The following ADNP2 variants were observed in gnomAD, a reference collection of about 807,000 sequenced individuals.
The protein encoded by ADNP2 is activity-dependent neuroprotector homeobox protein 2.
In ADNP2, 8 loss-of-function variants were observed where a neutral mutation model predicts 16.4. The ratio of observed to expected loss-of-function variants is 0.49; its 90% CI spans 0.29 to 0.88. The LOEUF (loss-of-function observed/expected upper bound fraction) is 0.88. Among genes scored for constraint, ADNP2 ranks in the 40% least tolerant of loss-of-function variants. ADNP2 has a pLI of 0.09. For missense variants in ADNP2, 1,397 were observed against 1,395.1 expected, an observed-to-expected ratio of 1.00 and a Z score of -0.02; for synonymous variants, 637 against 545.8, an observed-to-expected ratio of 1.17 and a Z score of -2.33.
intron 2 of ADNP2, among the ~76,000 whole-genome samples, chr18:80,119,786 T>C (rs1316470788): frequency 6.6e-6 from 1 of 152,234 alleles, no homozygotes; most frequent in Non-Finnish European, 1.5e-5. Flanking sequence ...ACATTGGATC[T>C]GGGATGGGCG....
chr18:80,130,143 A>G (rs902272578), intron 2 of ADNP2, among the ~76,000 whole-genome samples: 1 of 151,966 alleles, frequency 6.6e-6, no homozygotes, highest in African/African-American at 2.4e-5. Context: ...TGTCTTTCTG[A>G]TGCTCAAATG....
chr18:80,136,986 A>G lies in ADNP2; in HGVS notation c.1573A>G (p.Thr525Ala). 6.2e-7 allele frequency: 1 copy of G among 1,614,018 alleles called. No homozygotes were observed. Among genetic ancestry groups the G allele is most frequent in the Middle Eastern group, 1.6e-4 (1 of 6,062 alleles). Residue 525 changes from threonine to alanine, a missense_variant, in exon 4 of 4, where the codon ACA becomes GCA. This residue lies in a region of ADNP2 where 777 missense variants were observed against 719.4 expected (regional missense o/e 1.08). Transcript: ENST00000262198. ...VPSGLLSPNQ[T>A]VSSSAVVPVN... ...GTCTGGGCTTCTTTCTCCCAACCAG[A>G]CAGTCTCCTCCTCAGCTGTTGTGCC...
Position 80,136,327 on chromosome 18 carries a change from C to A in ADNP2, c.914C>A (p.Ala305Glu). Reference protein sequence around the residue: ...ALPQNSPSPAAGQPVTVAQGA... With the variant: ...ALPQNSPSPAEGQPVTVAQGA... The stretch of plus-strand genomic sequence containing the variant: ...CCACAGAACAGTCCAAGCCCAGCCG[C>A]AGGACAGCCAGTGACTGTGGCCCAG... The change falls in exon 4 of 4, where the codon GCA becomes GAA. Residue 305 changes from alanine to glutamate, a missense_variant. Ala to Glu is a moderately radical substitution (Grantham distance 107). Around this residue, in one of 3 missense-constraint regions of ADNP2, gnomAD observed 777 missense variants for 719.4 expected, o/e 1.08. Transcript: ENST00000262198. The A allele has an allele frequency of 1.9e-6, 3 of 1,614,146 alleles. No individual in the cohort carries two copies. The highest frequency in any genetic ancestry group is 2.5e-6 in the Non-Finnish European group (3 of 1,179,982).
At position 80,119,899 on chromosome 18, in the gene ADNP2, A is replaced by C. The variant is rs1174340050; in HGVS notation, c.108+2249A>C. Among the ~76,000 whole-genome samples the C allele has an allele frequency of 2.0e-5, 3 of 152,192 alleles. No individual in the cohort carries two copies. The East Asian group carries it at 5.8e-4, about 29-fold the overall frequency. On this transcript the variant is annotated intron_variant, in intron 2 of 3. Coordinates refer to ENST00000262198, the MANE Select transcript of ADNP2 (RefSeq NM_014913.4). ...CACACTGAGATGCCACAGCAAGTGC[A>C]TTCAACCACCTCCCCCCCAACCCCC...
At chr18:80,125,465 A>G (rs1189593152) in intron 2 of ADNP2, among the ~76,000 whole-genome samples, 1 of 152,178 alleles carries the variant, frequency 6.6e-6, no homozygotes, top group Admixed American at 6.5e-5. Context: ...AACATGGTGC[A>G]ACCCCATCTC....
At chr18:80,130,864 AAC>A (rs1485781807) in intron 2 of ADNP2, among the ~76,000 whole-genome samples, 2 of 152,142 alleles carry the variant, frequency 1.3e-5, no homozygotes, top group Non-Finnish European at 2.9e-5. Context: ...TCTTGTGAAA[AAC>A]AATTTTACAA....
intron 1 of ADNP2, among the ~76,000 whole-genome samples, chr18:80,113,862 A>G (rs1012997339): frequency 3.0e-4 from 45 of 152,136 alleles, no homozygotes; most frequent in African/African-American, 1.0e-3. Flanking sequence ...AGAGGAATGT[A>G]GAAGTAGAAT....
intron 2 of ADNP2, among the ~76,000 whole-genome samples, chr18:80,123,300 T>C (rs1413882063): frequency 6.6e-6 from 1 of 152,234 alleles, no homozygotes; most frequent in Non-Finnish European, 1.5e-5. Flanking sequence ...TGTTTTTATT[T>C]GGCCCTCGTA....
Position 80,133,131 on chromosome 18 carries a change from A to G in ADNP2, c.137A>G (p.Lys46Arg), listed in dbSNP as rs751344109. The G allele has an allele frequency of 6.2e-7, 1 of 1,611,322 alleles. No individual in the cohort carries two copies. The highest frequency in any genetic ancestry group is 2.2e-5 in the East Asian group (1 of 44,880). Reference sequence around the variant, plus strand: ...CTTAAAGGCTTTGATCCAGGAGAGAAATACTTTCATAACACATCATGGGGT... The same window carrying G: ...CTTAAAGGCTTTGATCCAGGAGAGAGATACTTTCATAACACATCATGGGGT... ...KDLKGFDPGE[K>R]YFHNTSWGDV... is the part of the protein sequence containing the mutation. Residue 46 changes from lysine (K) to arginine (R), a missense_variant, in exon 3 of 4, where the codon AAA becomes AGA. By Grantham distance (26) the Lys-to-Arg change is conservative. This residue lies in a region of ADNP2 where 777 missense variants were observed against 719.4 expected (regional missense o/e 1.08). Transcript: ENST00000262198.
intron 2 of ADNP2, among the ~76,000 whole-genome samples, chr18:80,123,206 A>G (rs2052436323): frequency 6.6e-6 from 1 of 152,098 alleles, no homozygotes; most frequent in East Asian, 1.9e-4. Context: ...GTTTTAATAC[A>G]CTGTTGAATT....
chr18:80,133,852 G>A (rs1313295239), intron 3 of ADNP2: 1 of 151,874 alleles, frequency 6.6e-6, no homozygotes, highest in Non-Finnish European at 1.5e-5. Context: ...TTTTTTTGGG[G>A]GGACAGGGTC....
chr18:80,137,470 T>C lies in ADNP2; in HGVS notation c.2057T>C (p.Val686Ala). 6.2e-7 allele frequency: 1 copy of C among 1,614,190 alleles called. No individual in the cohort carries two copies. Among genetic ancestry groups the C allele is most frequent in the Non-Finnish European group, 8.5e-7 (1 of 1,180,044 alleles). The stretch of plus-strand genomic sequence containing the variant: ...TCCTCTGCAGCAGACACAAACCAGG[T>C]GCTCAAACAGGCCAAGCAGTGGAAG... ...ASSSAADTNQ[V>A]LKQAKQWKTC... is the part of the protein sequence containing the mutation. Residue 686 changes from valine (V) to alanine (A), a missense_variant, in exon 4 of 4, where the codon GTG becomes GCG. Transcript: ENST00000262198. This position sits in a 1 kb window ranked among gnomAD's most constrained non-coding sequence, Gnocchi z 4.2.
chr18:80,122,692 T>A (rs982296362), intron 2 of ADNP2, among the ~76,000 whole-genome samples: 2 of 152,242 alleles, frequency 1.3e-5, no homozygotes, highest in African/African-American at 4.8e-5. Context: ...CTTTGCTGAA[T>A]TTGTCATTAG....
intron 2 of ADNP2, among the ~76,000 whole-genome samples, chr18:80,129,095 CTTTTTTTTTG>C (rs1187096879): frequency 1.7e-4 from 23 of 132,218 alleles, no homozygotes; most frequent in Admixed American, 3.8e-4. Context: ...TTACCCAGAA[CTTTTTTTTTG>C]TTTTTTTTTT....
intron 2 of ADNP2, among the ~76,000 whole-genome samples, chr18:80,118,744 G>T (rs2145194543): frequency 1.3e-5 from 2 of 152,302 alleles, no homozygotes; most frequent in South Asian, 4.1e-4. Context: ...CTTAGCCTGA[G>T]AATGTGTTTA....
chr18:80,111,323 C>T (rs2052355452), intron 1 of ADNP2, among the ~76,000 whole-genome samples: 1 of 152,096 alleles, frequency 6.6e-6, no homozygotes, highest in Admixed American at 6.6e-5. Context: ...CTCATTTATC[C>T]TCATAACTAC....
chr18:80,132,952 C>G, intron 2 of ADNP2, 151 bp from the exon 3 acceptor site: 1 of 613,220 alleles, frequency 1.6e-6, no homozygotes, highest in Non-Finnish European at 2.8e-6. Flanking sequence ...ACCTCCTGGC[C>G]TCAAGTGATC....
At chr18:80,133,021 T>G in intron 2 of ADNP2, 82 bp from the exon 3 acceptor site, 1 of 1,035,136 alleles carries the variant, frequency 9.7e-7, no homozygotes, top group Non-Finnish European at 1.5e-6. Flanking sequence ...ATGCCCGGCC[T>G]TATAATCTCA....
chr18:80,128,857 GT>G (rs1428340261), intron 2 of ADNP2, among the ~76,000 whole-genome samples: 1 of 151,686 alleles, frequency 6.6e-6, no homozygotes, highest in Non-Finnish European at 1.5e-5. Flanking sequence ...GCAGGTAACC[GT>G]TTCTAATTAG....
Sources: gnomAD v4.1 joint callset for allele counts (sites outside exome capture counted in the v4.1 genomes callset) on GRCh38, gnomAD v4.1.1 for gene constraint, gnomAD v4.1.1 regional missense constraint, Gnocchi (gnomAD v3.1) non-coding constraint, MANE v1.5 for transcripts, NCBI Gene and HGNC (gene_info 2026-07-23, HGNC 2026-07-21) for gene names.